The following NCOA1 variants were observed in gnomAD, a reference collection of about 807,000 sequenced individuals.
NCOA1 encodes nuclear receptor coactivator 1, also known as Hin-2 protein.
A neutral mutation model predicts 150.9 loss-of-function variants in NCOA1; 35 were observed. The observed-to-expected ratio is 0.23, with a 90% CI of 0.18 to 0.31. NCOA1 has a LOEUF of 0.31. Ranked by LOEUF, NCOA1 falls within the 10% of genes least tolerant of loss-of-function variation. The pLI is 1.00. For missense variants in NCOA1, 1,491 were observed against 1,749.3 expected (o/e 0.85, Z 2.63); for synonymous variants, 590 against 630.0 (o/e 0.94, Z 0.95).
At chr2:24,673,496 A>G (rs1671772021) in intron 7 of NCOA1, 33 bp downstream of exon 7, 2 of 1,471,740 alleles carry the variant, frequency 1.4e-6, no homozygotes, top group Admixed American at 4.3e-5. Context: ...AAAGTGATTA[A>G]AATCTTTGTT....
At chr2:24,537,149 T>C (rs1283106742) in intron 1 of NCOA1, among the ~76,000 whole-genome samples, 1 of 151,892 alleles carries the variant, frequency 6.6e-6, no homozygotes, top group African/African-American at 2.4e-5. Flanking sequence ...TGGACTCCCA[T>C]GTTCATTGTA....
intron 1 of NCOA1, among the ~76,000 whole-genome samples, chr2:24,559,600 G>A (rs1666214502): frequency 6.6e-6 from 1 of 152,160 alleles, no homozygotes. Context: ...CATCAACTGG[G>A]CTCTCTCAGC....
chr2:24,660,362 A>C (rs1671129212), intron 5 of NCOA1, among the ~76,000 whole-genome samples: 1 of 152,116 alleles, frequency 6.6e-6, no homozygotes, highest in Admixed American at 6.6e-5. Flanking sequence ...TATTTTGTTA[A>C]TATGTTATCA....
chr2:24,623,694 A>G (rs949987017), intron 3 of NCOA1, among the ~76,000 whole-genome samples: 4 of 152,190 alleles, frequency 2.6e-5, no homozygotes, highest in Non-Finnish European at 5.9e-5. Context: ...CAAGATCAAG[A>G]TACCGTCAGG....
Position 24,600,552 on chromosome 2 carries a change from G to A in NCOA1, c.-175+15992G>A, listed in dbSNP as rs532649339. On this transcript the variant is annotated intron_variant, in intron 3 of 22. Coordinates refer to ENST00000348332, the MANE Select transcript of NCOA1 (RefSeq NM_003743.5). ...TTTATTTCCCATTCGTTGTTATTTTGTTGTTACTTATACTGTGTATGCCTT... is the reference window on the plus strand; with the variant it reads ...TTTATTTCCCATTCGTTGTTATTTTATTGTTACTTATACTGTGTATGCCTT... 6.6e-5 allele frequency among the ~76,000 whole-genome samples: 10 copies of A among 152,136 alleles called. No individual in the cohort carries two copies. The East Asian group carries it at 1.9e-3, about 29-fold the overall frequency.
At chr2:24,605,181 G>T (rs1668310073) in intron 3 of NCOA1, among the ~76,000 whole-genome samples, 1 of 152,148 alleles carries the variant, frequency 6.6e-6, no homozygotes, top group African/African-American at 2.4e-5. Flanking sequence ...GAAAAAGTTT[G>T]AGATATTGTG....
chr2:24,707,477 T>C lies in NCOA1; in HGVS notation c.2007T>C (p.Ala669=). 1 of 1,614,252 alleles carries C rather than the reference T, an allele frequency of 6.2e-7. No homozygotes were observed. Residue 669 remains alanine, a synonymous_variant, in exon 13 of 23, where the codon GCT becomes GCC. Transcript: ENST00000348332. ...CAGGCACTTCCAACTCTGCCTCTGCTAACTCTTCAGGAGGTTCTTGTCCCT... is the reference window on the plus strand; with the variant it reads ...CAGGCACTTCCAACTCTGCCTCTGCCAACTCTTCAGGAGGTTCTTGTCCCT... ...SCTGTSNSAS[A]NSSGGSCPSS... is the part of the protein sequence containing the mutation.
intron 1 of NCOA1, among the ~76,000 whole-genome samples, chr2:24,521,046 C>T (rs558412838): frequency 6.6e-6 from 1 of 152,106 alleles, no homozygotes; most frequent in Non-Finnish European, 1.5e-5. Flanking sequence ...CTCTCAACTC[C>T]TTCAGGTCTT....
chr2:24,605,803 G>T (rs1268121495), intron 3 of NCOA1, among the ~76,000 whole-genome samples: 3 of 152,152 alleles, frequency 2.0e-5, no homozygotes, highest in Non-Finnish European at 4.4e-5. Flanking sequence ...AGTAATCTAT[G>T]CCACTTTTAG....
chr2:24,681,429 GAGATA>G (rs975866158), intron 7 of NCOA1, among the ~76,000 whole-genome samples: 1 of 152,172 alleles, frequency 6.6e-6, no homozygotes, highest in African/African-American at 2.4e-5. Context: ...TTAAACTGAT[GAGATA>G]AGATAAATTA....
intron 13 of NCOA1, 76 bp from the exon 14 acceptor site, chr2:24,710,855 A>T: frequency 7.2e-7 from 1 of 1,394,374 alleles, no homozygotes; most frequent in Non-Finnish European, 1.0e-6. Context: ...GAGTTTAAAG[A>T]AGCAGCATTT....
intron 17 of NCOA1, among the ~76,000 whole-genome samples, chr2:24,737,806 G>A (rs1379509399): frequency 1.3e-5 from 2 of 152,140 alleles, no homozygotes; most frequent in East Asian, 1.9e-4. Flanking sequence ...AATAGGGAAC[G>A]GAACTCCTAG....
chr2:24,499,248 G>T (rs922924438), intron 1 of NCOA1, among the ~76,000 whole-genome samples: 1 of 151,730 alleles, frequency 6.6e-6, no homozygotes, highest in Non-Finnish European at 1.5e-5. Context: ...TATTTAATAT[G>T]TGGCAGTTCC....
intron 6 of NCOA1, among the ~76,000 whole-genome samples, chr2:24,671,684 C>T (rs1671690527): frequency 6.6e-6 from 1 of 152,066 alleles, no homozygotes; most frequent in East Asian, 1.9e-4. Context: ...CCTCAGCCTC[C>T]TGAGTAGCTG....
chr2:24,613,634 G>T (rs1334070234), intron 3 of NCOA1, among the ~76,000 whole-genome samples: 1 of 151,988 alleles, frequency 6.6e-6, no homozygotes, highest in Non-Finnish European at 1.5e-5. Flanking sequence ...GCTGCGTACA[G>T]AGGGCCCTGC....
At chr2:24,630,267 A>G (rs762181898) in intron 3 of NCOA1, among the ~76,000 whole-genome samples, 1 of 152,240 alleles carries the variant, frequency 6.6e-6, no homozygotes, top group Non-Finnish European at 1.5e-5. Context: ...AATGGAGTTG[A>G]ACTCCAGAAT....
chr2:24,706,807 G>C lies in NCOA1; in HGVS notation c.1337G>C (p.Gly446Ala). Residue 446 changes from glycine (G) to alanine (A), a missense_variant, in exon 13 of 23, where the codon GGA becomes GCA. Gly to Ala is a moderately conservative substitution (Grantham distance 60, BLOSUM62 0). Transcript: ENST00000348332. ...NSQGSFGCSP[G>A]SQIVANVALN... The stretch of plus-strand genomic sequence containing the variant: ...CAAGGAAGTTTCGGATGCTCACCCG[G>C]AAGTCAGATTGTAGCCAATGTTGCC... The C allele has an allele frequency of 5.6e-6, 9 of 1,614,192 alleles. No individual in the cohort carries two copies. Among genetic ancestry groups the C allele is most frequent in the Non-Finnish European group, 7.6e-6 (9 of 1,180,038 alleles).
In NCOA1 at chr2:24,729,861, C is replaced by T. The variant is rs1332708608; in HGVS notation, c.3201+46C>T. The T allele has an allele frequency of 5.6e-6, 8 of 1,421,566 alleles. No individual in the cohort carries two copies. The East Asian group carries it at 1.0e-4, about 18-fold the overall frequency. 88.1% of individuals were successfully genotyped at this position (1,421,566 alleles called of 1,614,324 possible). ...GTTGATACTTTTTTTTTTTTTGAGA[C>T]GAAGTCTCACCTGTCACCAGGCTAG... On this transcript the variant is annotated intron_variant, in intron 17 of 22. Coordinates refer to ENST00000348332, the MANE Select transcript of NCOA1 (RefSeq NM_003743.5).
intron 5 of NCOA1, among the ~76,000 whole-genome samples, chr2:24,663,792 C>T (rs999218385): frequency 3.9e-5 from 6 of 152,172 alleles, no homozygotes; most frequent in African/African-American, 1.4e-4. Flanking sequence ...AGACACCTTG[C>T]CAGTTCATTA....
Sources: allele counts gnomAD v4.1 joint callset (sites outside exome capture counted in the v4.1 genomes callset), GRCh38; gene constraint gnomAD v4.1.1; transcripts MANE v1.5; gene names NCBI Gene and HGNC (gene_info 2026-07-23, HGNC 2026-07-21).